The following TRA2B variants were observed in gnomAD, a reference collection of about 807,000 sequenced individuals.
TRA2B encodes the protein transformer-2 protein homolog beta.
In TRA2B, 14 loss-of-function variants were observed where a neutral mutation model predicts 41.7. The ratio of observed to expected loss-of-function variants is 0.34; its 90% CI spans 0.22 to 0.53. TRA2B has a LOEUF of 0.53. Ranked by LOEUF, TRA2B falls within the 20% of genes least tolerant of loss-of-function variation. TRA2B has a pLI of 0.95. For synonymous variants in TRA2B, 130 were observed against 128.8 expected (o/e 1.01, Z -0.06); for missense variants, 167 against 396.8 (o/e 0.42, Z 4.92).
intron 1 of TRA2B, chr3:185,937,358 C>T (rs1472075214): frequency 6.0e-6 from 6 of 996,624 alleles, no homozygotes; most frequent in Non-Finnish European, 7.2e-6. Context: ...CCTTGCACCC[C>T]ACCACGCGGC....
rs371418488 is a variant in TRA2B at position 185,921,981 on chromosome 3, C to T, written c.638+30G>A. 5 of 1,544,958 alleles carry T rather than the reference C, an allele frequency of 3.2e-6. No homozygotes were observed. The African/African-American group carries it at 5.5e-5, about 17-fold the overall frequency. On this transcript the variant is annotated intron_variant, in intron 5 of 8. Coordinates refer to ENST00000453386, the MANE Select transcript of TRA2B (RefSeq NM_004593.3). ...GTTTCTTTGACAAGTGAAAAACTGC[C>T]AATTATATTTATTTTGAAAATAAAC...
intron 3 of TRA2B, 53 bp downstream of exon 3, chr3:185,925,411 A>C (rs878953675): frequency 1.3e-6 from 2 of 1,588,844 alleles, no homozygotes; most frequent in Non-Finnish European, 1.7e-6. Context: ...TCTAACTTTA[A>C]GAAAAAGTAA....
chr3:185,936,230 T>A, intron 1 of TRA2B: 1 of 985,388 alleles, frequency 1.0e-6, no homozygotes, highest in African/African-American at 1.7e-5. Flanking sequence ...GACTTTAAAA[T>A]CGCTTACTTT....
At chr3:185,934,771 G>C in intron 1 of TRA2B, 1 of 985,412 alleles carries the variant, frequency 1.0e-6, no homozygotes, top group Non-Finnish European at 1.2e-6. Context: ...AAAAACTGCA[G>C]AATTTGAAAA....
rs1046134499 is a variant in TRA2B at position 185,916,129 on chromosome 3, A to T, written c.*1586T>A. 2 of 152,216 alleles carry T rather than the reference A, an allele frequency of 1.3e-5. No homozygotes were observed. The highest frequency in any genetic ancestry group is 4.8e-5 in the African/African-American group (2 of 41,458). 9.4% of individuals were successfully genotyped at this position (152,216 alleles called of 1,614,324 possible). A position where few individuals can be genotyped will look rare whatever the true frequency, so the allele number is the denominator to read the frequency against. ...CATATTAATTTACCACAAGTTGGCA[A>T]ACACTGAAAACACCCTGGACAGTAA... is the stretch of plus-strand genomic sequence containing the variant. On this transcript the variant is annotated 3_prime_UTR_variant, in exon 9 of 9. Transcript: ENST00000453386.
chr3:185,925,300 G>A (rs774053497), intron 3 of TRA2B, 164 bp downstream of exon 3: 82 of 740,664 alleles, frequency 1.1e-4, no homozygotes, highest in Non-Finnish European at 1.4e-4. Context: ...TGCAGACCCC[G>A]TCATGGAAGA....
At chr3:185,924,199 G>C (rs529697847) in intron 3 of TRA2B, 23 of 397,308 alleles carry the variant, frequency 5.8e-5, no homozygotes, top group Non-Finnish European at 8.4e-5. Flanking sequence ...TTCAACCTTA[G>C]AATTAAGTAG....
At chr3:185,925,347 C>A (rs1743906301) in intron 3 of TRA2B, 117 bp downstream of exon 3, 3 of 1,211,748 alleles carry the variant, frequency 2.5e-6, no homozygotes, top group African/African-American at 3.1e-5. Context: ...CTAAAAAAGC[C>A]TCTGAAGATT....
intron 1 of TRA2B, chr3:185,928,132 G>A (rs1744021040): frequency 6.6e-6 from 1 of 152,188 alleles, no homozygotes; most frequent in Non-Finnish European, 1.5e-5. Flanking sequence ...CACTTTAGAA[G>A]ATAGTTTTGT....
intron 2 of TRA2B, 55 bp downstream of exon 2, chr3:185,926,546 C>T (rs918190507): frequency 8.7e-6 from 14 of 1,603,472 alleles, no homozygotes; most frequent in East Asian, 2.2e-5. Context: ...TTACAAAACA[C>T]GCACCAATTT....
chr3:185,917,852 A>AAATAG, intron 8 of TRA2B, 127 bp from the exon 9 acceptor site: 1 of 845,076 alleles, frequency 1.2e-6, no homozygotes, highest in Non-Finnish European at 1.9e-6. Context: ...CACCACCCCC[A>AAATAG]AATAGAGAAA....
intron 6 of TRA2B, among the ~76,000 whole-genome samples, chr3:185,920,607 T>C (rs1174791769): frequency 1.3e-5 from 2 of 152,064 alleles, no homozygotes; most frequent in Non-Finnish European, 2.9e-5. Context: ...TACAGTGGAG[T>C]GCAGTGGTGC....
At chr3:185,926,218 T>C (rs1351969003) in intron 2 of TRA2B, among the ~76,000 whole-genome samples, 1 of 151,188 alleles carries the variant, frequency 6.6e-6, no homozygotes, top group Non-Finnish European at 1.5e-5. Context: ...GCACCATATA[T>C]ATACTTATTT....
intron 7 of TRA2B, among the ~76,000 whole-genome samples, chr3:185,919,145 G>T (rs1226087523): frequency 6.6e-6 from 1 of 151,670 alleles, no homozygotes; most frequent in Non-Finnish European, 1.5e-5. Context: ...AAAAAGCAAG[G>T]AAAATGTAAT....
chr3:185,918,365 G>A lies in TRA2B; in HGVS notation c.856C>T (p.Arg286Cys). 1.9e-6 allele frequency: 3 copies of A among 1,610,848 alleles called. No individual in the cohort carries two copies. The highest frequency in any genetic ancestry group is 2.2e-5 in the East Asian group (1 of 44,830). Residue 286 changes from arginine (R) to cysteine (C), a missense_variant and splice_region_variant, in exon 8 of 9, where the codon CGT (arginine) becomes TGT (cysteine). By Grantham distance (180) the Arg-to-Cys change is radical. This residue lies in a region of TRA2B where 30 missense variants were observed against 46.7 expected (regional missense o/e 0.64). Transcript: ENST00000453386. ...SRSRSRSYSP[R>C]RY Reference sequence around the variant, plus strand: ...CAATCATATTAAGATAAAAACTTACGAGGTGAGTATGATCGAGATCTGGAA... The same window carrying A: ...CAATCATATTAAGATAAAAACTTACAAGGTGAGTATGATCGAGATCTGGAA...
intron 1 of TRA2B, chr3:185,928,463 G>A (rs1024396133): frequency 2.0e-5 from 3 of 152,142 alleles, no homozygotes; most frequent in Non-Finnish European, 4.4e-5. Context: ...ATGGTTAAAG[G>A]ATGTAGTGAT....
intron 1 of TRA2B, among the ~76,000 whole-genome samples, chr3:185,931,339 A>G (rs1297952585): frequency 1.3e-5 from 2 of 152,170 alleles, no homozygotes; most frequent in Non-Finnish European, 2.9e-5. Flanking sequence ...AGAGGACAAC[A>G]TGAAGCCCAC....
At chr3:185,929,684 A>G (rs533951118) in intron 1 of TRA2B, among the ~76,000 whole-genome samples, 8 of 152,308 alleles carry the variant, frequency 5.3e-5, no homozygotes, top group African/African-American at 1.9e-4. Flanking sequence ...TTACAAAAAC[A>G]TATTTGAAAG....
At chr3:185,937,021 G>A (rs927553897) in intron 1 of TRA2B, 3 of 985,240 alleles carry the variant, frequency 3.0e-6, no homozygotes, top group Non-Finnish European at 3.6e-6. Flanking sequence ...ATGGTTGCCC[G>A]CCAATTTCTC....
Sources: gnomAD v4.1 joint callset for allele counts (sites outside exome capture counted in the v4.1 genomes callset) on GRCh38, gnomAD v4.1.1 for gene constraint, gnomAD v4.1.1 regional missense constraint, MANE v1.5 for transcripts, NCBI Gene and HGNC (gene_info 2026-07-23, HGNC 2026-07-21) for gene names.